CREB5: variants seen among roughly 807,000 people sequenced by gnomAD.
The protein encoded by CREB5 is cyclic AMP-responsive element-binding protein 5.
CREB5 carries 19 observed loss-of-function variants against 57.1 expected under a neutral mutation model. The observed-to-expected ratio is 0.33, with a 90% CI of 0.23 to 0.49. The LOEUF (loss-of-function observed/expected upper bound fraction) is 0.49, where lower values mean the gene tolerates loss of function less well. Ranked by LOEUF, CREB5 falls within the 20% of genes least tolerant of loss-of-function variation. The pLI, the probability that CREB5 is intolerant of heterozygous loss-of-function variation, is 0.99. For missense variants in CREB5, 579 were observed against 671.6 expected (o/e 0.86, Z 1.52); for synonymous variants, 238 against 238.3 (o/e 1.00, Z 0.01).
intron 4 of CREB5, among the ~76,000 whole-genome samples, chr7:28,527,577 G>C (rs1394832014): frequency 6.6e-6 from 1 of 152,222 alleles, no homozygotes; most frequent in Non-Finnish European, 1.5e-5. Context: ...AGTGCTGTGA[G>C]AGGCTCATGT....
chr7:28,795,919 A>T (rs563525157), intron 7 of CREB5, among the ~76,000 whole-genome samples: 4 of 152,036 alleles, frequency 2.6e-5, no homozygotes, highest in African/African-American at 9.6e-5. Flanking sequence ...ACATTCCGCT[A>T]ATTTTTATAT....
intron 7 of CREB5, among the ~76,000 whole-genome samples, chr7:28,733,574 C>T (rs1306870198): frequency 6.6e-6 from 1 of 152,210 alleles, no homozygotes; most frequent in African/African-American, 2.4e-5. Context: ...GTGAAGTCTT[C>T]TTGCCTTCCC....
chr7:28,379,302 T>C (rs1021186059), intron 1 of CREB5, among the ~76,000 whole-genome samples: 1 of 152,238 alleles, frequency 6.6e-6, no homozygotes, highest in Admixed American at 6.5e-5. Context: ...TACACTCATA[T>C]GTTCTAACCA....
At chr7:28,791,446 C>A (rs1807705849) in intron 7 of CREB5, among the ~76,000 whole-genome samples, 1 of 152,176 alleles carries the variant, frequency 6.6e-6, no homozygotes. Context: ...GGCTCTCCAG[C>A]TAAGTAGGTC....
At chr7:28,425,762 G>A (rs1788484593) in intron 1 of CREB5, among the ~76,000 whole-genome samples, 1 of 152,180 alleles carries the variant, frequency 6.6e-6, no homozygotes, top group Non-Finnish European at 1.5e-5. Context: ...CAGTCTTACA[G>A]CATTTATCAT....
chr7:28,333,879 T>C (rs1360841009), intron 1 of CREB5, among the ~76,000 whole-genome samples: 1 of 152,206 alleles, frequency 6.6e-6, no homozygotes, highest in African/African-American at 2.4e-5. Flanking sequence ...ATCTCTTCAA[T>C]ATACTGATTT....
chr7:28,721,726 G>T (rs547394975), intron 6 of CREB5, among the ~76,000 whole-genome samples: 1 of 152,370 alleles, frequency 6.6e-6, no homozygotes, highest in South Asian at 2.1e-4. Context: ...CGTGCTGGGT[G>T]CTGGGGACAA....
At chr7:28,781,626 G>C (rs1273131560) in intron 7 of CREB5, among the ~76,000 whole-genome samples, 1 of 152,170 alleles carries the variant, frequency 6.6e-6, no homozygotes, top group African/African-American at 2.4e-5. Flanking sequence ...CTCCATGCTA[G>C]ACAAGAATAT....
At chr7:28,422,126 C>T (rs916351442) in intron 1 of CREB5, among the ~76,000 whole-genome samples, 10 of 152,008 alleles carry the variant, frequency 6.6e-5, no homozygotes, top group Admixed American at 3.9e-4. Context: ...AGATATTTGA[C>T]TCAGAAAGGA....
intron 5 of CREB5, among the ~76,000 whole-genome samples, chr7:28,611,968 T>C (rs147009261): frequency 1.9e-3 from 281 of 151,284 alleles, no homozygotes; most frequent in African/African-American, 6.3e-3. Flanking sequence ...TACTTTCTCA[T>C]GTCCCCTTGC....
intron 7 of CREB5, among the ~76,000 whole-genome samples, chr7:28,774,087 T>C (rs1806490523): frequency 6.6e-6 from 1 of 152,248 alleles, no homozygotes; most frequent in Non-Finnish European, 1.5e-5. Flanking sequence ...TTCATCTTTC[T>C]TTCCTTCTTT....
chr7:28,514,713 A>G (rs182962112), intron 4 of CREB5, among the ~76,000 whole-genome samples: 48 of 152,220 alleles, frequency 3.2e-4, no homozygotes, highest in African/African-American at 1.2e-3. Flanking sequence ...TTTTATTTAT[A>G]TTTGCTATGA....
At chr7:28,576,922 A>C (rs1795930101) in intron 5 of CREB5, among the ~76,000 whole-genome samples, 1 of 152,210 alleles carries the variant, frequency 6.6e-6, no homozygotes, top group Non-Finnish European at 1.5e-5. Context: ...CTTCTACAGC[A>C]ACCAGCCTGG....
Position 28,524,370 on chromosome 7 carries a change from G to A in CREB5, c.291+16633G>A, listed in dbSNP as rs376945333. 1.4e-3 allele frequency among the ~76,000 whole-genome samples: 208 copies of A among 147,546 alleles called. 2 individuals are homozygous for A. The highest frequency in any genetic ancestry group is 4.9e-3 in the African/African-American group (198 of 40,464). On this transcript the variant is annotated intron_variant, in intron 4 of 10. Transcript: ENST00000357727. ...ACACACACACACACACGGCAGATGT[G>A]GTGGCACACATCTAATCCCACCTAA...
chr7:28,543,330 A>G (rs1794282127), intron 4 of CREB5, among the ~76,000 whole-genome samples: 1 of 152,244 alleles, frequency 6.6e-6, no homozygotes, highest in Admixed American at 6.5e-5. Flanking sequence ...CAAAAAATGT[A>G]TTCATATACT....
intron 1 of CREB5, among the ~76,000 whole-genome samples, chr7:28,465,431 G>C (rs1011369577): frequency 1.3e-5 from 2 of 152,162 alleles, no homozygotes; most frequent in African/African-American, 4.8e-5. Context: ...CAATATTCTT[G>C]TATTTATATC....
intron 5 of CREB5, among the ~76,000 whole-genome samples, chr7:28,661,369 A>G (rs73684246): frequency 0.062 from 9,421 of 152,108 alleles, 974 homozygotes; most frequent in African/African-American, 0.22. Flanking sequence ...AATTCATATA[A>G]TGAATGAGAA....
intron 4 of CREB5, among the ~76,000 whole-genome samples, chr7:28,536,139 A>C (rs913523290): frequency 6.6e-6 from 1 of 152,190 alleles, no homozygotes; most frequent in African/African-American, 2.4e-5. Flanking sequence ...ATGTCTGCTG[A>C]GAAACCAGCA....
In CREB5 at chr7:28,616,783, G is replaced by A. The variant is rs148235087; in HGVS notation, c.464+46246G>A. ...TAAACAGTTTATGATTTTCATTTAT[G>A]ATTTAAAAAAACAAGTCCATGTTAG... is the stretch of plus-strand genomic sequence containing the variant. On this transcript the variant is annotated intron_variant, in intron 5 of 10. Coordinates refer to ENST00000357727, the MANE Select transcript of CREB5 (RefSeq NM_182898.4). Among the ~76,000 whole-genome samples, 45 of 152,120 alleles carry A rather than the reference G, an allele frequency of 3.0e-4. No homozygotes were observed. The East Asian group carries it at 8.7e-3, about 29-fold the overall frequency.
Sources: gnomAD v4.1 joint callset for allele counts (sites outside exome capture counted in the v4.1 genomes callset) on GRCh38, gnomAD v4.1.1 for gene constraint, MANE v1.5 for transcripts, NCBI Gene and HGNC (gene_info 2026-07-23, HGNC 2026-07-21) for gene names.